The following FBN3 variants were observed in gnomAD, a reference collection of about 807,000 sequenced individuals.
FBN3 encodes the protein fibrillin 3.
A neutral mutation model predicts 330.1 loss-of-function variants in FBN3; 234 were observed. The observed-to-expected ratio is 0.71, with a 90% confidence interval of 0.64 to 0.79. The LOEUF is 0.79. Among genes scored for constraint, FBN3 ranks in the 30% least tolerant of loss-of-function variants. FBN3 has a pLI of 0.00. For synonymous variants in FBN3, 1,458 were observed against 1,517.3 expected (o/e 0.96, Z 0.91); for missense variants, 3,606 against 3,886.9 (o/e 0.93, Z 1.92).
At chr19:8,073,002 T>TGTGTGTGC (rs763385469) in intron 62 of FBN3, 61 bp downstream of exon 62, 25 of 930,808 alleles carry the variant, frequency 2.7e-5, no homozygotes, top group East Asian at 1.5e-4. Context: ...TGTGTGTGTG[T>TGTGTGTGC]GCGTGCGTGC....
Position 8,081,527 on chromosome 19 carries a change from C to A in FBN3, c.7214-47G>T, listed in dbSNP as rs761125137. 5 of 1,539,072 alleles carry A rather than the reference C, an allele frequency of 3.2e-6. No individual in the cohort carries two copies. The South Asian group carries it at 6.4e-5, about 20-fold the overall frequency. On this transcript the variant is annotated intron_variant, in intron 57 of 63. Coordinates refer to ENST00000600128, the MANE Select transcript of FBN3 (RefSeq NM_032447.5). ...AGTGGGGCGGGGTTAGACAGACATT[C>A]CCTGGGGGTGTTCAGGGACTGAGGT...
chr19:8,142,967 C>A (rs993456155), intron 6 of FBN3, among the ~76,000 whole-genome samples: 1 of 152,002 alleles, frequency 6.6e-6, no homozygotes. Flanking sequence ...CAGGTCACTT[C>A]CCCAGCCCCT....
intron 51 of FBN3, among the ~76,000 whole-genome samples, chr19:8,088,725 G>C (rs1390101901): frequency 6.6e-6 from 1 of 152,214 alleles, no homozygotes; most frequent in Non-Finnish European, 1.5e-5. Flanking sequence ...AAGCATGAAT[G>C]AATGAGCAAA....
chr19:8,086,464 TATTA>T (rs1568372359), intron 54 of FBN3, 139 bp from the exon 55 acceptor site: 102 of 294,750 alleles, frequency 3.5e-4, no homozygotes, highest in Non-Finnish European at 2.5e-4. Flanking sequence ...TTATTATTAT[TATTA>T]TTTTTTGAGA....
In FBN3 at chr19:8,087,064, C is replaced by T; in HGVS notation, c.6754+13G>A. 2 of 1,603,238 alleles carry T rather than the reference C, an allele frequency of 1.2e-6. No homozygotes were observed. The highest frequency in any genetic ancestry group is 1.1e-5 in the South Asian group (1 of 90,212). On this transcript the variant is annotated intron_variant, in intron 54 of 63. Transcript: ENST00000600128. ...GGAGTTTCCTGCACCCATGAAGCTC[C>T]AGTGCCCCATACCTGTGCAGCCCTC...
In FBN3 at chr19:8,104,177, A is replaced by C. The variant is rs1393147187; in HGVS notation, c.4814-490T>G. 4.0e-5 allele frequency among the ~76,000 whole-genome samples: 6 copies of C among 151,788 alleles called. No individual in the cohort carries two copies. The South Asian group carries it at 8.3e-4, about 21-fold the overall frequency. On this transcript the variant is annotated intron_variant, in intron 38 of 63. Transcript: ENST00000600128. The stretch of plus-strand genomic sequence containing the variant: ...TATGACATTAAGTGAAAAAAAAAAA[A>C]AAAAAACATTTACAAGCTGGATGCA...
chr19:8,130,057 C>G (rs1661005236), intron 16 of FBN3, among the ~76,000 whole-genome samples: 1 of 152,044 alleles, frequency 6.6e-6, no homozygotes. Context: ...GCCACCACGG[C>G]TGGCTAATTT....
At position 8,066,053 on chromosome 19, in the gene FBN3, TCCGCC is replaced by T; in HGVS notation, c.8291_8295del (p.Gly2764GlufsTer74). On this transcript the variant is annotated frameshift_variant, in exon 64 of 64. Transcript: ENST00000600128. LOFTEE classifies it low-confidence loss of function (END_TRUNC). ...CGGTAGGTTCCAGGCCCCGGCCGCC[TCCGCC>T]CCAGCTGCAGGGAGCTGACGCCACG... The T allele has an allele frequency of 6.2e-7, 1 of 1,613,182 alleles. No individual in the cohort carries two copies. Among genetic ancestry groups the T allele is most frequent in the South Asian group, 1.1e-5 (1 of 91,086 alleles).
In FBN3 at chr19:8,129,202, G is replaced by A; in HGVS notation, c.2170+38C>T. 1.2e-6 allele frequency: 2 copies of A among 1,612,600 alleles called. No individual in the cohort carries two copies. The highest frequency in any genetic ancestry group is 1.1e-5 in the South Asian group (1 of 90,878). Reference sequence around the variant, plus strand: ...GGGGTGAGGGGTCTGCAGTGGGAGAGGCTGCCCACACATCCGCCCGCCAGG... The same window carrying A: ...GGGGTGAGGGGTCTGCAGTGGGAGAAGCTGCCCACACATCCGCCCGCCAGG... On this transcript the variant is annotated intron_variant, in intron 17 of 63. Coordinates refer to ENST00000600128, the MANE Select transcript of FBN3 (RefSeq NM_032447.5). The surrounding 1 kb of genome is among the most constrained non-coding windows in gnomAD (Gnocchi z 4.5).
intron 13 of FBN3, 25 bp downstream of exon 13, chr19:8,135,936 G>GGGGGGGGGGGGGGGGGGGGCCCCCC: frequency 1.5e-5 from 10 of 668,756 alleles, no homozygotes; most frequent in Admixed American, 2.9e-5. Context: ...GGAAGCCCCT[G>GGGGGGGGGGGGGGGGGGGGCCCCCC]CCCACCCGCC....
In FBN3 at chr19:8,091,362, C is replaced by G. The variant is rs571574918; in HGVS notation, c.6031+103G>C. Reference sequence around the variant, plus strand: ...AACAGACACCTCTGCCTGGTCAGAGCTCCCAAAGGGTCACACAAGAAACCA... The same window carrying G: ...AACAGACACCTCTGCCTGGTCAGAGGTCCCAAAGGGTCACACAAGAAACCA... On this transcript the variant is annotated intron_variant, in intron 48 of 63. Coordinates refer to ENST00000600128, the MANE Select transcript of FBN3 (RefSeq NM_032447.5). The G allele has an allele frequency of 3.7e-4, 530 of 1,449,402 alleles. No individual in the cohort carries two copies. The African/African-American group carries it at 6.6e-3, about 18-fold the overall frequency. The allele number at this position is 1,449,402 out of a possible 1,614,324, so 89.8% of individuals were successfully genotyped here. A position where few individuals can be genotyped will look rare whatever the true frequency, so the allele number is the denominator to read the frequency against.
intron 8 of FBN3, among the ~76,000 whole-genome samples, chr19:8,139,891 C>G (rs2083373666): frequency 6.6e-6 from 1 of 151,948 alleles, no homozygotes; most frequent in Non-Finnish European, 1.5e-5. Flanking sequence ...CTGACCTGCC[C>G]CGAGCTGGGA....
intron 13 of FBN3, 25 bp downstream of exon 13, chr19:8,135,936 G>GGGGGCC: frequency 1.5e-6 from 1 of 668,774 alleles, no homozygotes; most frequent in Non-Finnish European, 2.4e-6. Context: ...GGAAGCCCCT[G>GGGGGCC]CCCACCCGCC....
chr19:8,067,135 T>C (rs1421958672), intron 63 of FBN3, among the ~76,000 whole-genome samples: 7 of 149,770 alleles, frequency 4.7e-5, no homozygotes, highest in Admixed American at 6.6e-5. Flanking sequence ...TTTTCTTTTT[T>C]TTTTTTTTTT....
At position 8,130,659 on chromosome 19, in the gene FBN3, G is replaced by GGAAAAGAAAAGAAAAGAAAAGAAAA. The variant is rs1294557631; in HGVS notation, c.2044+551_2044+575dup. On this transcript the variant is annotated intron_variant, in intron 16 of 63. Transcript: ENST00000600128. Reference sequence around the variant, plus strand: ...AAGAAAGAAAGGAAAGGAAAGGAAAGGAAAAGAAAAGAAAAGAAAAGAAAA... The same window carrying GGAAAAGAAAAGAAAAGAAAAGAAAA: ...AAGAAAGAAAGGAAAGGAAAGGAAAGGAAAAGAAAAGAAAAGAAAAGAAAAGAAAAGAAAAGAAAAGAAAAGAAAA... 4.8e-4 allele frequency among the ~76,000 whole-genome samples: 18 copies of GGAAAAGAAAAGAAAAGAAAAGAAAA among 37,250 alleles called. 1 individual carries two copies. Among genetic ancestry groups the GGAAAAGAAAAGAAAAGAAAAGAAAA allele is most frequent in the East Asian group, 4.6e-3 (4 of 866 alleles). 24.4% of individuals were successfully genotyped at this position (37,250 alleles called of 152,430 possible).
chr19:8,129,213 C>G lies in FBN3; in HGVS notation c.2170+27G>C, dbSNP rs1159651840. The G allele has an allele frequency of 3.1e-6, 5 of 1,612,776 alleles. No homozygotes were observed. The highest frequency in any genetic ancestry group is 4.2e-6 in the Non-Finnish European group (5 of 1,179,334). ...TCTGCAGTGGGAGAGGCTGCCCACACATCCGCCCGCCAGGTGGCATGCTCA... is the reference window on the plus strand; with the variant it reads ...TCTGCAGTGGGAGAGGCTGCCCACAGATCCGCCCGCCAGGTGGCATGCTCA... On this transcript the variant is annotated intron_variant, in intron 17 of 63. Transcript: ENST00000600128. The surrounding 1 kb of genome is among the most constrained non-coding windows in gnomAD (Gnocchi z 4.5).
intron 18 of FBN3, among the ~76,000 whole-genome samples, chr19:8,127,630 C>T (rs1001796100): frequency 6.6e-6 from 1 of 152,164 alleles, no homozygotes; most frequent in African/African-American, 2.4e-5. Flanking sequence ...CTTGATCATC[C>T]GCTAGAGGGG....
In FBN3 at chr19:8,110,972, G is replaced by A. The variant is rs1191268542; in HGVS notation, c.4211-5C>T. On this transcript the variant is annotated splice_region_variant and splice_polypyrimidine_tract_variant and intron_variant, in intron 33 of 63. Coordinates refer to ENST00000600128, the MANE Select transcript of FBN3 (RefSeq NM_032447.5). The stretch of plus-strand genomic sequence containing the variant: ...CTTGCGCACACTCGTCCACATCTGC[G>A]GGGACCCTGGGTCAGCCTGCCCCAC... 19 of 1,614,188 alleles carry A rather than the reference G, an allele frequency of 1.2e-5. No individual in the cohort carries two copies. Among genetic ancestry groups the A allele is most frequent in the South Asian group, 4.4e-5 (4 of 91,078 alleles).
At chr19:8,118,205 TCACA>T (rs957422149) in intron 26 of FBN3, among the ~76,000 whole-genome samples, 2 of 151,798 alleles carry the variant, frequency 1.3e-5, no homozygotes, top group Non-Finnish European at 2.9e-5. Context: ...TCACACCCAC[TCACA>T]CACAAACACA....
Sources: gnomAD v4.1 joint callset for allele counts (sites outside exome capture counted in the v4.1 genomes callset) on GRCh38, gnomAD v4.1.1 for gene constraint, Gnocchi (gnomAD v3.1) non-coding constraint, MANE v1.5 for transcripts, NCBI Gene and HGNC (gene_info 2026-07-23, HGNC 2026-07-21) for gene names.